VAV2: variants seen among roughly 807,000 people sequenced by gnomAD.
VAV2 encodes guanine nucleotide exchange factor VAV2.
Under a neutral mutation model 132.5 loss-of-function variants are expected in VAV2, and 67 were observed. The observed-to-expected ratio is 0.51, with a 90% CI of 0.42 to 0.62. The LOEUF (loss-of-function observed/expected upper bound fraction) is 0.62. Ranked by LOEUF, VAV2 falls within the 20% of genes least tolerant of loss-of-function variation. VAV2 has a pLI of 0.00. For synonymous variants in VAV2, 492 were observed against 443.5 expected (o/e 1.11, Z -1.37); for missense variants, 938 against 1,153.6 (o/e 0.81, Z 2.71).
intron 10 of VAV2, among the ~76,000 whole-genome samples, 171 bp from the exon 11 acceptor site, chr9:133,796,695 A>AGG (rs113674562): frequency 5.3e-5 from 8 of 151,914 alleles, no homozygotes; most frequent in African/African-American, 1.9e-4. Flanking sequence ...GTGTGTGCAG[A>AGG]GGGGGGGGCT....
intron 2 of VAV2, among the ~76,000 whole-genome samples, chr9:133,927,593 C>A (rs566797373): frequency 1.4e-4 from 21 of 152,316 alleles, no homozygotes; most frequent in Admixed American, 1.4e-3. Context: ...AGCACCCCAA[C>A]TCACCCCCTG....
At chr9:133,895,859 C>CA (rs1839178302) in intron 2 of VAV2, among the ~76,000 whole-genome samples, 1 of 151,462 alleles carries the variant, frequency 6.6e-6, no homozygotes, top group East Asian at 1.9e-4. Flanking sequence ...TACACACTGG[C>CA]AAAAAACTGT....
At chr9:133,775,945 AG>A (rs1448374194) in intron 24 of VAV2, 82 bp downstream of exon 24, 1 of 1,492,546 alleles carries the variant, frequency 6.7e-7, no homozygotes, top group African/African-American at 1.4e-5. Context: ...GGCCGCTCAC[AG>A]GCACCACCCA....
chr9:133,842,373 C>T (rs1177017755), intron 3 of VAV2, among the ~76,000 whole-genome samples: 1 of 152,180 alleles, frequency 6.6e-6, no homozygotes, highest in African/African-American at 2.4e-5. Flanking sequence ...CGGAGCACTC[C>T]GAGAGAACAG....
chr9:133,947,404 T>C (rs530456141), intron 1 of VAV2, among the ~76,000 whole-genome samples: 221 of 152,220 alleles, frequency 1.5e-3, no homozygotes, highest in Non-Finnish European at 2.6e-3. Flanking sequence ...GTATCTGCTT[T>C]AAAACTGGTC....
rs187750957 is a variant in VAV2, at chr9:133,812,233, G to A, written c.450-17C>T. On this transcript the variant is annotated splice_polypyrimidine_tract_variant and intron_variant, in intron 4 of 29. Transcript: ENST00000371850. ...TCATGCTCGCTGCACAGGAGGAGGC[G>A]GGTTAGAGGGGAGGGGAGGCTCCCG... The A allele has an allele frequency of 4.0e-5, 65 of 1,611,994 alleles. No homozygotes were observed. The highest frequency in any genetic ancestry group is 3.3e-4 in the Middle Eastern group (2 of 6,058).
chr9:133,819,721 A>T (rs1428666258), intron 4 of VAV2, among the ~76,000 whole-genome samples: 2 of 152,060 alleles, frequency 1.3e-5, no homozygotes, highest in Middle Eastern at 3.2e-3. Context: ...GGCACTTTTC[A>T]TTCGTCCAAA....
At chr9:133,931,016 C>A (rs1001760271) in intron 2 of VAV2, among the ~76,000 whole-genome samples, 3 of 152,222 alleles carry the variant, frequency 2.0e-5, no homozygotes, top group African/African-American at 7.2e-5. Context: ...AGCGGCCTAG[C>A]GATTTCCTCT....
chr9:133,842,356 G>A (rs945080992), intron 3 of VAV2, among the ~76,000 whole-genome samples: 4 of 152,178 alleles, frequency 2.6e-5, no homozygotes, highest in African/African-American at 4.8e-5. Context: ...GGTGCTCCTC[G>A]CCCAGCCGGA....
chr9:133,957,259 G>C (rs1841813059), intron 1 of VAV2, among the ~76,000 whole-genome samples: 2 of 149,298 alleles, frequency 1.3e-5, no homozygotes, highest in African/African-American at 4.8e-5. Context: ...GCTGCTCCCT[G>C]GGATGAAACG....
intron 8 of VAV2, among the ~76,000 whole-genome samples, 194 bp downstream of exon 8, chr9:133,807,064 A>C (rs1025537185): frequency 6.6e-6 from 1 of 152,238 alleles, no homozygotes; most frequent in African/African-American, 2.4e-5. Context: ...CGGAGCCCAG[A>C]AACCTGCTAC....
Position 133,968,489 on chromosome 9 carries a change from T to C in VAV2, c.204+23586A>G, listed in dbSNP as rs192121911. On this transcript the variant is annotated intron_variant, in intron 1 of 29. Transcript: ENST00000371850. The stretch of plus-strand genomic sequence containing the variant: ...GTTGTCAAAGCTCTGGTACCACCCA[T>C]GCACCAGGCAACATGAAGAGGAAGA... Among the ~76,000 whole-genome samples, 137 of 152,226 alleles carry C rather than the reference T, an allele frequency of 9.0e-4. No homozygotes were observed. The East Asian group carries it at 0.015, about 17-fold the overall frequency.
chr9:133,840,643 G>C lies in VAV2; in HGVS notation c.381-6303C>G, dbSNP rs1836683431. 6.6e-6 allele frequency among the ~76,000 whole-genome samples: 1 copy of C among 152,210 alleles called. No homozygotes were observed. Among genetic ancestry groups the C allele is most frequent in the Non-Finnish European group, 1.5e-5 (1 of 68,046 alleles). ...GAAACACAGCTCCTGCTTCCAAAGA[G>C]CTCCTTCACTCTCCTCCCGTCCTTC... On this transcript the variant is annotated intron_variant, in intron 3 of 29. Coordinates refer to ENST00000371850, the MANE Select transcript of VAV2 (RefSeq NM_001134398.2). This position sits in a 1 kb window ranked among gnomAD's most constrained non-coding sequence, Gnocchi z 4.5.
chr9:133,864,578 T>C (rs1463483430), intron 2 of VAV2, among the ~76,000 whole-genome samples: 2 of 152,138 alleles, frequency 1.3e-5, no homozygotes, highest in Non-Finnish European at 2.9e-5. Flanking sequence ...AGCACAACCT[T>C]TTAAAGGCGG....
Position 133,909,275 on chromosome 9 carries a change from G to A in VAV2, c.321+29828C>T, listed in dbSNP as rs7020756. Reference sequence around the variant, plus strand: ...TCAGAAGGGGGGTGAAGATGTGAGCGGCCTCCCCCAAGTCCCTGGCCTGGA... The same window carrying A: ...TCAGAAGGGGGGTGAAGATGTGAGCAGCCTCCCCCAAGTCCCTGGCCTGGA... On this transcript the variant is annotated intron_variant, in intron 2 of 29. Coordinates refer to ENST00000371850, the MANE Select transcript of VAV2 (RefSeq NM_001134398.2). Among the ~76,000 whole-genome samples the A allele has an allele frequency of 4.5e-3, 684 of 152,236 alleles. 8 individuals carry two copies. Among genetic ancestry groups the A allele is most frequent in the African/African-American group, 0.015 (622 of 41,560 alleles).
chr9:133,783,669 GT>G lies in VAV2; in HGVS notation c.1635-79del, dbSNP rs552105100. 9 of 1,369,720 alleles carry G rather than the reference GT, an allele frequency of 6.6e-6. No homozygotes were observed. The East Asian group carries it at 2.1e-4, about 32-fold the overall frequency. 84.8% of individuals were successfully genotyped at this position (1,369,720 alleles called of 1,614,324 possible). On this transcript the variant is annotated intron_variant, in intron 18 of 29. Transcript: ENST00000371850. ...CCTCTCTGCCAAGGTCAAGGCCCTTGTCCCCACCCAGGCTCACCTGGCTGGC... is the reference window on the plus strand; with the variant it reads ...CCTCTCTGCCAAGGTCAAGGCCCTTGCCCCACCCAGGCTCACCTGGCTGGC...
In VAV2 at chr9:133,788,410, C is replaced by T. The variant is rs755369467; in HGVS notation, c.1351G>A (p.Glu451Lys). 32 of 1,612,324 alleles carry T rather than the reference C, an allele frequency of 2.0e-5. No individual in the cohort carries two copies. The South Asian group carries it at 3.0e-4, about 15-fold the overall frequency. ...TCGGTCATCTTGTGGAACAGCAGCT[C>T]GATGATCTCCTTGAGCTCGTAGCTG... The part of the protein sequence containing the change: ...GYSYELKEII[E>K]LLFHKMTDDP... The change falls in exon 15 of 30, where the codon GAG becomes AAG. Residue 451 changes from glutamate (E) to lysine (K), a missense_variant. By Grantham distance (56) the Glu-to-Lys change is moderately conservative. Coordinates refer to ENST00000371850, the MANE Select transcript of VAV2 (RefSeq NM_001134398.2). The surrounding 1 kb of genome is among the most constrained non-coding windows in gnomAD (Gnocchi z 5.3).
intron 23 of VAV2, among the ~76,000 whole-genome samples, chr9:133,776,306 C>T (rs989455805): frequency 1.3e-5 from 2 of 152,218 alleles, no homozygotes; most frequent in Non-Finnish European, 2.9e-5. Flanking sequence ...GAACAGATGT[C>T]GGCATAGCCA....
At chr9:133,862,172 T>G (rs1318479393) in intron 2 of VAV2, among the ~76,000 whole-genome samples, 1 of 152,224 alleles carries the variant, frequency 6.6e-6, no homozygotes, top group East Asian at 1.9e-4. Context: ...GATGTGGGCC[T>G]CCTCTGGATA....
Sources: allele counts gnomAD v4.1 joint callset (sites outside exome capture counted in the v4.1 genomes callset), GRCh38; gene constraint gnomAD v4.1.1; non-coding constraint Gnocchi (gnomAD v3.1); transcripts MANE v1.5; gene names NCBI Gene and HGNC (gene_info 2026-07-23, HGNC 2026-07-21).